ANAPC4: variants seen among roughly 807,000 people sequenced by gnomAD.
ANAPC4 encodes the protein anaphase-promoting complex subunit 4.
ANAPC4 carries 63 observed loss-of-function variants against 119.8 expected under a neutral mutation model. The ratio of observed to expected loss-of-function variants is 0.53; its 90% CI spans 0.43 to 0.65. The LOEUF (loss-of-function observed/expected upper bound fraction) is 0.65, where lower values mean the gene tolerates loss of function less well. Among genes scored for constraint, ANAPC4 ranks in the 30% least tolerant of loss-of-function variants. ANAPC4 has a pLI of 0.00. For synonymous variants in ANAPC4, 283 were observed against 318.6 expected, an observed-to-expected ratio of 0.89 and a Z score of 1.19; for missense variants, 716 against 945.1, an observed-to-expected ratio of 0.76 and a Z score of 3.18.
intron 28 of ANAPC4, 51 bp from the exon 29 acceptor site, chr4:25,418,104 A>G (rs752551808): frequency 3.4e-6 from 5 of 1,471,272 alleles, no homozygotes; most frequent in Admixed American, 3.8e-5. Context: ...AATTCTTTAT[A>G]TATGATAAGC....
At chr4:25,407,328 A>C in intron 20 of ANAPC4, 75 bp downstream of exon 20, 1 of 1,086,444 alleles carries the variant, frequency 9.2e-7, no homozygotes, top group East Asian at 2.6e-5. Context: ...AAAGAATTAC[A>C]ATACCAAGTA....
At chr4:25,401,780 C>T (rs895711721) in intron 16 of ANAPC4, among the ~76,000 whole-genome samples, 2 of 152,020 alleles carry the variant, frequency 1.3e-5, no homozygotes, top group Non-Finnish European at 1.5e-5. Context: ...CCTCTCCATC[C>T]ACAGCCATTT....
At position 25,414,646 on chromosome 4, in the gene ANAPC4, T is replaced by C. The variant is rs973863059; in HGVS notation, c.1772T>C (p.Leu591Pro). 5.2e-6 allele frequency: 8 copies of C among 1,552,130 alleles called. No homozygotes were observed. The highest frequency in any genetic ancestry group is 1.8e-4 in the Middle Eastern group (1 of 5,512). ...CTACATTATCTTCTTTTTACTATTC[T>C]AGAAGATTCACTTTATAAAATGTGC... ...SNLHYLLFTI[L>P]EDSLYKMCIL... Residue 591 changes from leucine to proline, a missense_variant, in exon 25 of 29, where the codon CTA becomes CCA. Physicochemically the swap from Leu to Pro is moderately conservative, Grantham distance 98 (BLOSUM62 -3). Transcript: ENST00000315368.
chr4:25,381,349 A>G (rs1721708567), intron 3 of ANAPC4, among the ~76,000 whole-genome samples: 1 of 151,358 alleles, frequency 6.6e-6, no homozygotes, highest in Admixed American at 6.6e-5. Context: ...AGTGCAGTGC[A>G]GTGGTGCAAT....
At chr4:25,395,669 C>T (rs1301677213) in intron 14 of ANAPC4, among the ~76,000 whole-genome samples, 4 of 152,122 alleles carry the variant, frequency 2.6e-5, no homozygotes, top group Non-Finnish European at 1.5e-5. Flanking sequence ...AGACTGGCCT[C>T]AAGCTCCTGA....
At chr4:25,400,630 T>A (rs1342197238) in intron 16 of ANAPC4, among the ~76,000 whole-genome samples, 1 of 151,394 alleles carries the variant, frequency 6.6e-6, no homozygotes, top group East Asian at 1.9e-4. Context: ...GCTGCAGGAG[T>A]GGGGCACAGA....
chr4:25,380,681 T>A (rs1349245208), intron 3 of ANAPC4: 1 of 391,126 alleles, frequency 2.6e-6, no homozygotes, highest in Non-Finnish European at 4.5e-6. Context: ...CAAAGATATC[T>A]CTTAAATAAA....
chr4:25,394,450 A>C, intron 12 of ANAPC4, 76 bp downstream of exon 12: 5 of 1,311,082 alleles, frequency 3.8e-6, no homozygotes, highest in Non-Finnish European at 5.2e-6. Context: ...AGTAGTTTAT[A>C]GTCATAGTAT....
intron 25 of ANAPC4, chr4:25,415,144 G>A (rs900394116): frequency 8.9e-6 from 2 of 225,216 alleles, no homozygotes; most frequent in Non-Finnish European, 1.7e-5. Context: ...CTTTGAAATT[G>A]AAAGTAGAAG....
At chr4:25,403,152 T>C (rs1033897744) in intron 17 of ANAPC4, 126 bp downstream of exon 17, 2 of 633,928 alleles carry the variant, frequency 3.2e-6, no homozygotes, top group Non-Finnish European at 4.9e-6. Context: ...TAATGATCCC[T>C]GTTGTACCTT....
chr4:25,394,471 T>A lies in ANAPC4; in HGVS notation c.941+97T>A, dbSNP rs184535023. 20 of 1,147,348 alleles carry A rather than the reference T, an allele frequency of 1.7e-5. No homozygotes were observed. The East Asian group carries it at 2.1e-4, about 12-fold the overall frequency. The allele number at this position is 1,147,348 out of a possible 1,614,324, so 71.1% of individuals were successfully genotyped here. On this transcript the variant is annotated intron_variant, in intron 12 of 28. Coordinates refer to ENST00000315368, the MANE Select transcript of ANAPC4 (RefSeq NM_013367.3). Reference sequence around the variant, plus strand: ...TTATAGTCATAGTATGTGATTTTTTTAATTGATACATAATATTTTAATTGA... The same window carrying A: ...TTATAGTCATAGTATGTGATTTTTTAAATTGATACATAATATTTTAATTGA...
chr4:25,377,680 A>G, intron 2 of ANAPC4, 124 bp downstream of exon 2: 2 of 1,396,518 alleles, frequency 1.4e-6, no homozygotes, highest in Non-Finnish European at 1.9e-6. Flanking sequence ...TTCTGCAGAC[A>G]TGGCTGGCCA....
chr4:25,403,845 G>A (rs1723112327), intron 17 of ANAPC4, among the ~76,000 whole-genome samples: 1 of 152,276 alleles, frequency 6.6e-6, no homozygotes, highest in African/African-American at 2.4e-5. Flanking sequence ...CTGTCTTTGT[G>A]TCTTCACAAT....
chr4:25,378,977 A>T (rs1340946880), intron 2 of ANAPC4, among the ~76,000 whole-genome samples: 2 of 152,166 alleles, frequency 1.3e-5, no homozygotes, highest in South Asian at 2.1e-4. Flanking sequence ...TAACCTGATG[A>T]AGGAGGGAAG....
chr4:25,389,860 A>G (rs1449126003), intron 7 of ANAPC4, among the ~76,000 whole-genome samples: 1 of 152,118 alleles, frequency 6.6e-6, no homozygotes, highest in African/African-American at 2.4e-5. Context: ...TGTTATTGAG[A>G]GTGTATAAAT....
At chr4:25,377,392 G>C in intron 1 of ANAPC4, 26 bp from the exon 2 acceptor site, 1 of 1,610,156 alleles carries the variant, frequency 6.2e-7, no homozygotes, top group South Asian at 1.1e-5. Context: ...GGCTCCTGCC[G>C]GCCTCTGACT....
intron 2 of ANAPC4, among the ~76,000 whole-genome samples, chr4:25,380,040 A>G (rs954297492): frequency 6.6e-6 from 1 of 152,190 alleles, no homozygotes; most frequent in Non-Finnish European, 1.5e-5. Context: ...AGCTTAGTAT[A>G]ATTTGACTGT....
In ANAPC4 at chr4:25,380,197, C is replaced by T. The variant is rs28633644; in HGVS notation, c.130-177C>T. 6.9e-3 allele frequency among the ~76,000 whole-genome samples: 1,044 copies of T among 152,176 alleles called. 7 individuals are homozygous for T. Among genetic ancestry groups the T allele is most frequent in the African/African-American group, 0.022 (899 of 41,504 alleles). Reference sequence around the variant, plus strand: ...AGGGTTAAATTAGACCTTGTTTCACCCATTTATTTTAAAATACCTTGTGTT... The same window carrying T: ...AGGGTTAAATTAGACCTTGTTTCACTCATTTATTTTAAAATACCTTGTGTT... On this transcript the variant is annotated intron_variant, in intron 2 of 28. Transcript: ENST00000315368.
intron 21 of ANAPC4, among the ~76,000 whole-genome samples, chr4:25,412,602 A>AG (rs936992538): frequency 6.6e-6 from 1 of 152,044 alleles, no homozygotes; most frequent in African/African-American, 2.4e-5. Flanking sequence ...TCTACTAAAA[A>AG]TTAGCTGGGT....
Sources: allele counts gnomAD v4.1 joint callset (sites outside exome capture counted in the v4.1 genomes callset), GRCh38; gene constraint gnomAD v4.1.1; transcripts MANE v1.5; gene names NCBI Gene and HGNC (gene_info 2026-07-23, HGNC 2026-07-21).